Variants in GCC2 observed in about 807,000 individuals in gnomAD.
GCC2 encodes the protein GRIP and coiled-coil domain-containing protein 2.
Under a neutral mutation model 210.6 loss-of-function variants are expected in GCC2, and 120 were observed. That is an observed-to-expected ratio of 0.57 (90% CI 0.49 to 0.66). The LOEUF (loss-of-function observed/expected upper bound fraction) is 0.66, where lower values mean the gene tolerates loss of function less well. Ranked by LOEUF, GCC2 falls within the 30% of genes least tolerant of loss-of-function variation. The probability of loss-of-function intolerance (pLI) is 0.00; values close to 1 mark genes in which losing one functional copy is unlikely to be tolerated. For synonymous variants in GCC2, 703 were observed against 652.7 expected (o/e 1.08, Z -1.17); for missense variants, 1,868 against 1,871.9 (o/e 1.00, Z 0.04).
At chr2:108,457,427 C>T (rs527274010) in intron 4 of GCC2, among the ~76,000 whole-genome samples, 17 of 151,842 alleles carry the variant, frequency 1.1e-4, no homozygotes, top group Admixed American at 7.2e-4. Context: ...AGAATGATGC[C>T]GCCGCTTTAT....
chr2:108,495,107 A>G (rs13403233), intron 19 of GCC2, 184 bp from the exon 20 acceptor site: 14,493 of 404,600 alleles, frequency 0.036, 307 homozygotes, highest in African/African-American at 0.053. Flanking sequence ...CACCACGCCC[A>G]GCTTTGATGA....
At chr2:108,503,825 C>G (rs1683048287) in intron 22 of GCC2, among the ~76,000 whole-genome samples, 1 of 152,138 alleles carries the variant, frequency 6.6e-6, no homozygotes, top group Admixed American at 6.5e-5. Flanking sequence ...CAAAAGAATA[C>G]AAGCTGGGCT....
At chr2:108,498,354 C>T (rs1399650996) in intron 21 of GCC2, among the ~76,000 whole-genome samples, 3 of 151,408 alleles carry the variant, frequency 2.0e-5, no homozygotes, top group Non-Finnish European at 2.9e-5. Context: ...CACCACCATG[C>T]CCGGCTAATT....
In GCC2 at chr2:108,507,838, C is replaced by G. The variant is rs2104527651; in HGVS notation, c.*208C>G. ...AGTGTTGATAGCAGGCCACAGCCCT[C>G]TAACTCATGTGATTTCCCATGCATG... On this transcript the variant is annotated 3_prime_UTR_variant, in exon 23 of 23. Coordinates refer to ENST00000309863, the MANE Select transcript of GCC2 (RefSeq NM_181453.4). The G allele has an allele frequency of 2.3e-6, 1 of 433,494 alleles. No homozygotes were observed. Among genetic ancestry groups the G allele is most frequent in the Admixed American group, 4.2e-5 (1 of 23,656 alleles). The allele number at this position is 433,494 out of a possible 1,614,324, so 26.9% of individuals were successfully genotyped here.
chr2:108,466,877 A>G lies in GCC2; in HGVS notation c.217-2103A>G, dbSNP rs202009953. On this transcript the variant is annotated intron_variant, in intron 4 of 22. Transcript: ENST00000309863. The stretch of plus-strand genomic sequence containing the variant: ...TGGTATGAAGTCTTTTTTAATATCA[A>G]TAACTTTTTCAACCTTAATTATTGA... 4.6e-5 allele frequency among the ~76,000 whole-genome samples: 7 copies of G among 152,282 alleles called. No individual in the cohort carries two copies. The East Asian group carries it at 9.6e-4, about 21-fold the overall frequency.
intron 4 of GCC2, among the ~76,000 whole-genome samples, chr2:108,460,955 T>C (rs989283458): frequency 1.3e-5 from 2 of 152,194 alleles, no homozygotes; most frequent in African/African-American, 4.8e-5. Flanking sequence ...TCCTTCTCCT[T>C]CCTCTTTGCC....
intron 1 of GCC2, 78 bp from the exon 2 acceptor site, chr2:108,449,555 C>T (rs1679790861): frequency 1.4e-6 from 2 of 1,428,602 alleles, no homozygotes; most frequent in Non-Finnish European, 2.0e-6. Context: ...AAGGTTTTTC[C>T]CTGTAAGGGT....
At chr2:108,464,201 A>G (rs911596828) in intron 4 of GCC2, among the ~76,000 whole-genome samples, 1 of 152,182 alleles carries the variant, frequency 6.6e-6, no homozygotes, top group African/African-American at 2.4e-5. Context: ...GGGAGCAGCC[A>G]TAGGTAGGCA....
chr2:108,464,068 G>A (rs929634580), intron 4 of GCC2, among the ~76,000 whole-genome samples: 10 of 151,982 alleles, frequency 6.6e-5, no homozygotes, highest in South Asian at 4.2e-4. Flanking sequence ...TCGGTGGTGC[G>A]TAAAGATGCC....
intron 4 of GCC2, among the ~76,000 whole-genome samples, chr2:108,465,481 G>GT (rs1282959119): frequency 2.0e-5 from 3 of 152,134 alleles, no homozygotes; most frequent in Non-Finnish European, 4.4e-5. Flanking sequence ...CTACTGTGTA[G>GT]TTTTTTATCC....
rs767784682 is a variant in GCC2 at position 108,470,591 on chromosome 2, A to C, written c.1262A>C (p.Gln421Pro). The C allele has an allele frequency of 6.2e-7, 1 of 1,610,438 alleles. No individual in the cohort carries two copies. Among genetic ancestry groups the C allele is most frequent in the Admixed American group, 1.7e-5 (1 of 59,686 alleles). The change falls in exon 6 of 23, where the codon CAG (glutamine) becomes CCG (proline). Residue 421 changes from glutamine (Q) to proline (P), a missense_variant. By Grantham distance (76) the Gln-to-Pro change is moderately conservative. Coordinates refer to ENST00000309863, the MANE Select transcript of GCC2 (RefSeq NM_181453.4). ...LNKQFCYTVEQHNREVQSLKE... is the reference protein window; with the variant it reads ...LNKQFCYTVEPHNREVQSLKE... ...AAACAGTTTTGCTATACTGTAGAAC[A>C]GCATAACAGAGAAGTACAGAGTCTT...
intron 20 of GCC2, 76 bp downstream of exon 20, chr2:108,495,561 A>G: frequency 2.9e-6 from 3 of 1,040,744 alleles, no homozygotes; most frequent in East Asian, 2.5e-5. Context: ...TCTAAGTTAC[A>G]TATGCTTTTT....
intron 13 of GCC2, chr2:108,484,768 C>G (rs1461441553): frequency 6.6e-6 from 1 of 151,956 alleles, no homozygotes; most frequent in Non-Finnish European, 1.5e-5. Flanking sequence ...CTGTTCTGTT[C>G]CATTGATCTA....
intron 4 of GCC2, among the ~76,000 whole-genome samples, chr2:108,460,363 TATTA>T (rs1270973959): frequency 1.3e-5 from 2 of 152,210 alleles, no homozygotes; most frequent in South Asian, 2.1e-4. Context: ...TACATGCAGT[TATTA>T]ATTATATGTG....
At chr2:108,494,804 TAA>T (rs1682562977) in intron 19 of GCC2, 1 of 152,820 alleles carries the variant, frequency 6.5e-6, no homozygotes, top group South Asian at 2.1e-4. Context: ...GTTTGATTAC[TAA>T]GTTTTTGTTT....
chr2:108,502,592 T>C (rs1682976720), intron 22 of GCC2, among the ~76,000 whole-genome samples: 1 of 152,092 alleles, frequency 6.6e-6, no homozygotes, highest in Admixed American at 6.6e-5. Context: ...AAAACAATGA[T>C]GGTTTAGCAG....
At chr2:108,449,974 T>C in intron 2 of GCC2, 1 of 366,930 alleles carries the variant, frequency 2.7e-6, no homozygotes, top group Non-Finnish European at 5.0e-6. Flanking sequence ...AGTGGTGTAG[T>C]GGAAGGAGCA....
Position 108,484,319 on chromosome 2 carries a change from A to T in GCC2, c.3613+8A>T. ...CCCTACAAGAAGAAATAAGTGAGTT[A>T]AAGAAAATTCACTTTACTTTTTAAT... On this transcript the variant is annotated splice_region_variant and intron_variant, in intron 13 of 22. Coordinates refer to ENST00000309863, the MANE Select transcript of GCC2 (RefSeq NM_181453.4). 1 of 1,428,760 alleles carries T rather than the reference A, an allele frequency of 7.0e-7. No individual in the cohort carries two copies. The highest frequency in any genetic ancestry group is 9.5e-7 in the Non-Finnish European group (1 of 1,051,702). 88.5% of individuals were successfully genotyped at this position (1,428,760 alleles called of 1,614,324 possible).
intron 4 of GCC2, among the ~76,000 whole-genome samples, chr2:108,466,387 G>T (rs1680884360): frequency 6.6e-6 from 1 of 151,978 alleles, no homozygotes; most frequent in Admixed American, 6.6e-5. Flanking sequence ...CTGGTTTGTA[G>T]AATTTTTTAA....
Sources: gnomAD v4.1 joint callset for allele counts (sites outside exome capture counted in the v4.1 genomes callset) on GRCh38, gnomAD v4.1.1 for gene constraint, MANE v1.5 for transcripts, NCBI Gene and HGNC (gene_info 2026-07-23, HGNC 2026-07-21) for gene names.